MYH13: variants seen among roughly 807,000 people sequenced by gnomAD.
MYH13 encodes myosin-13.
In MYH13, 177 loss-of-function variants were observed where a neutral mutation model predicts 232.1. The ratio of observed to expected loss-of-function variants is 0.76; its 90% confidence interval spans 0.67 to 0.86. The LOEUF is 0.86. Ranked by LOEUF, MYH13 falls within the 40% of genes least tolerant of loss-of-function variation. MYH13 has a pLI of 0.00. For missense variants in MYH13, 2,246 were observed against 2,405.9 expected, an observed-to-expected ratio of 0.93 and a Z score of 1.39; for synonymous variants, 884 against 923.5, an observed-to-expected ratio of 0.96 and a Z score of 0.78.
chr17:10,341,903 A>T (rs1352647575), intron 16 of MYH13, among the ~76,000 whole-genome samples: 1 of 152,218 alleles, frequency 6.6e-6, no homozygotes, highest in Non-Finnish European at 1.5e-5. Flanking sequence ...TGATCTCATT[A>T]TCTAATGAAT....
chr17:10,307,144 G>A lies in MYH13; in HGVS notation c.5170-80C>T. On this transcript the variant is annotated intron_variant, in intron 35 of 40. Transcript: ENST00000252172. ...ATTGGGAGAGGGTTGGCTGGGGAGGGAAGTAAATTGTGATCCTGTTCCATT... is the reference window on the plus strand; with the variant it reads ...ATTGGGAGAGGGTTGGCTGGGGAGGAAAGTAAATTGTGATCCTGTTCCATT... 2.6e-6 allele frequency: 4 copies of A among 1,538,612 alleles called. No homozygotes were observed. The South Asian group carries it at 3.6e-5, about 14-fold the overall frequency.
At chr17:10,338,338 A>G (rs1405095521) in intron 18 of MYH13, among the ~76,000 whole-genome samples, 1 of 59,456 alleles carries the variant, frequency 1.7e-5, no homozygotes, top group African/African-American at 4.6e-5. Context: ...GATGCCCCAG[A>G]TAATGCATAT....
At chr17:10,333,704 C>T (rs759410901) in intron 18 of MYH13, among the ~76,000 whole-genome samples, 17 of 152,174 alleles carry the variant, frequency 1.1e-4, no homozygotes, top group Admixed American at 2.6e-4. Context: ...GTCAGGAGCT[C>T]GAGACCAGCC....
intron 16 of MYH13, among the ~76,000 whole-genome samples, chr17:10,341,997 A>G (rs1287289716): frequency 6.6e-6 from 1 of 152,124 alleles, no homozygotes; most frequent in African/African-American, 2.4e-5. Context: ...GTTGGCTACT[A>G]TTTAAAAGTA....
chr17:10,371,531 G>C (rs761955503), intron 1 of MYH13, among the ~76,000 whole-genome samples: 3 of 152,222 alleles, frequency 2.0e-5, no homozygotes, highest in Middle Eastern at 3.2e-3. Flanking sequence ...CCTTAAGGGG[G>C]TATGAAGAGG....
intron 7 of MYH13, among the ~76,000 whole-genome samples, chr17:10,358,323 A>G (rs2071765113): frequency 1.3e-5 from 2 of 152,122 alleles, no homozygotes; most frequent in South Asian, 4.1e-4. Context: ...TTATTCAGAA[A>G]TCCACTACAG....
chr17:10,360,582 A>G (rs1166677175), intron 5 of MYH13, among the ~76,000 whole-genome samples: 1 of 152,074 alleles, frequency 6.6e-6, no homozygotes, highest in Non-Finnish European at 1.5e-5. Context: ...GTTTCATTGC[A>G]TTTTTCTTTT....
intron 11 of MYH13, among the ~76,000 whole-genome samples, chr17:10,352,979 TTCAGCCAATCACAGCAGCTGAGTC>T (rs2071721663): frequency 6.6e-6 from 1 of 152,010 alleles, no homozygotes; most frequent in African/African-American, 2.4e-5. Context: ...GCAGCTGAGC[TTCAGCCAATCACAGCAGCTGAGTC>T]TCAGCCAATC....
At chr17:10,330,268 G>T (rs1018163487) in intron 21 of MYH13, 119 bp downstream of exon 21, 26 of 1,417,670 alleles carry the variant, frequency 1.8e-5, no homozygotes, top group Non-Finnish European at 2.4e-5. Context: ...GTAGATGTGG[G>T]TTAAACAAAT....
In MYH13 at chr17:10,301,671, G is replaced by A. The variant is rs973371285; in HGVS notation, c.5700C>T (p.Cys1900=). 3.7e-6 allele frequency: 6 copies of A among 1,613,884 alleles called. No individual in the cohort carries two copies. The African/African-American group carries it at 8.0e-5, about 22-fold the overall frequency. ...EEQANTQLSR[C]RRVQHELEEA... is the part of the protein sequence containing the mutation. ...CCTCTAGCTCATGCTGGACTCTCCG[G>A]CATCTGGACAGCTGCGTGTTGGCCT... Residue 1900 remains cysteine (C), a synonymous_variant, in exon 40 of 41, where the codon TGC becomes TGT. Transcript: ENST00000252172.
chr17:10,367,299 A>G (rs1241757077), intron 2 of MYH13, among the ~76,000 whole-genome samples: 2 of 152,326 alleles, frequency 1.3e-5, no homozygotes, highest in African/African-American at 2.4e-5. Context: ...AAAAATATTT[A>G]TTCATTAACT....
At chr17:10,320,289 C>G in intron 25 of MYH13, 46 bp from the exon 26 acceptor site, 1 of 1,604,624 alleles carries the variant, frequency 6.2e-7, no homozygotes, top group Non-Finnish European at 8.5e-7. Context: ...ATACAAGCCT[C>G]TTGGAGGGGG....
At chr17:10,343,282 C>G (rs945932053) in intron 16 of MYH13, among the ~76,000 whole-genome samples, 1 of 152,024 alleles carries the variant, frequency 6.6e-6, no homozygotes, top group Non-Finnish European at 1.5e-5. Flanking sequence ...ACTGTAACCT[C>G]TGCTTCCTAG....
chr17:10,306,270 T>G lies in MYH13; in HGVS notation c.5466+189A>C, dbSNP rs1447681901. On this transcript the variant is annotated intron_variant, in intron 37 of 40. Coordinates refer to ENST00000252172, the MANE Select transcript of MYH13 (RefSeq NM_003802.3). This position sits in a 1 kb window ranked among gnomAD's most constrained non-coding sequence, Gnocchi z 4.3. ...TGTGTGTGTGTGTGTGTGTGTGTGT[T>G]TTGGGGCATAGGAACAGGTGAAACA... is the stretch of plus-strand genomic sequence containing the variant. Among the ~76,000 whole-genome samples the G allele has an allele frequency of 1.1e-4, 9 of 79,948 alleles. No individual in the cohort carries two copies. The highest frequency in any genetic ancestry group is 3.0e-4 in the African/African-American group (7 of 22,956). The allele number at this position is 79,948 out of a possible 152,430, so 52.4% of individuals were successfully genotyped here.
chr17:10,365,451 C>T (rs2071826744), intron 2 of MYH13, among the ~76,000 whole-genome samples: 1 of 152,212 alleles, frequency 6.6e-6, no homozygotes, highest in Non-Finnish European at 1.5e-5. Context: ...ATTACGGGCC[C>T]TATCCCCATG....
intron 2 of MYH13, among the ~76,000 whole-genome samples, chr17:10,366,678 G>A (rs550831392): frequency 1.1e-4 from 16 of 152,110 alleles, no homozygotes; most frequent in African/African-American, 2.9e-4. Flanking sequence ...TCCATGCCCC[G>A]CCTGAAATAC....
chr17:10,321,067 C>T lies in MYH13; in HGVS notation c.3111+465G>A, dbSNP rs551672126. ...GTGAGTAAAACCTGAAAACTTCAAA[C>T]GTGGCTCTTACATCAAGAACAATAA... On this transcript the variant is annotated intron_variant, in intron 24 of 40. Transcript: ENST00000252172. Among the ~76,000 whole-genome samples, 13 of 152,282 alleles carry T rather than the reference C, an allele frequency of 8.5e-5. No homozygotes were observed. In the South Asian group the frequency reaches 1.5e-3, roughly 17 times the overall value.
intron 7 of MYH13, 113 bp from the exon 8 acceptor site, chr17:10,357,940 G>T (rs1354015246): frequency 9.3e-6 from 8 of 860,466 alleles, no homozygotes; most frequent in Non-Finnish European, 1.5e-5. Context: ...ATGTCGACCA[G>T]CTCCACCTGG....
rs1906274506 is a variant in MYH13, at chr17:10,306,180, A to G, written c.5466+279T>C. On this transcript the variant is annotated intron_variant, in intron 37 of 40. Transcript: ENST00000252172. This position sits in a 1 kb window ranked among gnomAD's most constrained non-coding sequence, Gnocchi z 4.3. ...TGGAATGTGAACATTAACATACATC[A>G]TTATATTACATTTACTGAGGTGTGA... 6.7e-6 allele frequency among the ~76,000 whole-genome samples: 1 copy of G among 149,958 alleles called. No individual in the cohort carries two copies.
Sources: allele counts gnomAD v4.1 joint callset (sites outside exome capture counted in the v4.1 genomes callset), GRCh38; gene constraint gnomAD v4.1.1; non-coding constraint Gnocchi (gnomAD v3.1); transcripts MANE v1.5; gene names NCBI Gene and HGNC (gene_info 2026-07-23, HGNC 2026-07-21).